Variants in MPLKIP observed in about 807,000 individuals in gnomAD.
The protein encoded by MPLKIP is M-phase specific PLK1 interacting protein, also known as M-phase-specific PLK1-interacting protein.
A neutral mutation model predicts 16.9 loss-of-function variants in MPLKIP; 16 were observed. That is an observed-to-expected ratio of 0.94 (90% CI 0.64 to 1.43). The LOEUF is 1.43. Among genes scored for constraint, MPLKIP ranks in the 40% most tolerant of loss-of-function variants. The pLI is 0.00. For synonymous variants in MPLKIP, 126 were observed against 98.4 expected (o/e 1.28, Z -1.66); for missense variants, 282 against 237.6 (o/e 1.19, Z -1.23).
rs567765574 is a variant in MPLKIP at position 40,128,248 on chromosome 7, T to A, written c.*4811A>T. The A allele has an allele frequency of 1.3e-5, 2 of 152,232 alleles. No individual in the cohort carries two copies. Among genetic ancestry groups the A allele is most frequent in the South Asian group, 4.1e-4 (2 of 4,824 alleles). 9.4% of individuals were successfully genotyped at this position (152,232 alleles called of 1,614,324 possible). A position where few individuals can be genotyped will look rare whatever the true frequency, so the allele number is the denominator to read the frequency against. ...CCAACCAGGCGATTATGTGTCTTAT[T>A]TACAGTAAAAACTACAACATATTTC... is the stretch of plus-strand genomic sequence containing the variant. On this transcript the variant is annotated 3_prime_UTR_variant, in exon 2 of 2. Coordinates refer to ENST00000306984, the MANE Select transcript of MPLKIP (RefSeq NM_138701.4).
Position 40,129,826 on chromosome 7 carries a change from C to T in MPLKIP, c.*3233G>A, listed in dbSNP as rs1320270618. On this transcript the variant is annotated 3_prime_UTR_variant, in exon 2 of 2. Transcript: ENST00000306984. Reference sequence around the variant, plus strand: ...TCTGTTAATGTTCAAAGGGAAGGGACGTAACTCCACATCTTGATAAGGGTA... The same window carrying T: ...TCTGTTAATGTTCAAAGGGAAGGGATGTAACTCCACATCTTGATAAGGGTA... The T allele has an allele frequency of 5.3e-5, 8 of 151,278 alleles. No homozygotes were observed. The highest frequency in any genetic ancestry group is 4.2e-4 in the South Asian group (2 of 4,778). The allele number at this position is 151,278 out of a possible 1,614,324, so 9.4% of individuals were successfully genotyped here. A position where few individuals can be genotyped will look rare whatever the true frequency, so the allele number is the denominator to read the frequency against.
At chr7:40,133,417 T>C (rs1787503365) in intron 1 of MPLKIP, among the ~76,000 whole-genome samples, 158 bp from the exon 2 acceptor site, 1 of 152,234 alleles carries the variant, frequency 6.6e-6, no homozygotes, top group Admixed American at 6.5e-5. Flanking sequence ...TAATCAAGTG[T>C]TCCTATTTTT....
Position 40,129,246 on chromosome 7 carries a change from GC to G in MPLKIP, c.*3812del, listed in dbSNP as rs1787429840. ...CTGAATTCTGAACATCTCCACACGG[GC>G]CAATATAACTTATTTTTTTTTTTTT... On this transcript the variant is annotated 3_prime_UTR_variant, in exon 2 of 2. Transcript: ENST00000306984. 1 of 142,900 alleles carries G rather than the reference GC, an allele frequency of 7.0e-6. No homozygotes were observed. Among genetic ancestry groups the G allele is most frequent in the Non-Finnish European group, 1.5e-5 (1 of 66,926 alleles). The allele number at this position is 142,900 out of a possible 1,614,324, so 8.9% of individuals were successfully genotyped here. A position where few individuals can be genotyped will look rare whatever the true frequency, so the allele number is the denominator to read the frequency against.
Position 40,133,272 on chromosome 7 carries a change from A to C in MPLKIP, c.340-13T>G. 1 of 1,610,118 alleles carries C rather than the reference A, an allele frequency of 6.2e-7. No individual in the cohort carries two copies. The highest frequency in any genetic ancestry group is 1.1e-5 in the South Asian group (1 of 91,044). ...TCCTTGGAGAACCCTTTAGAAAAAA[A>C]ATCAGTTAAAAAAACACTTAGTAAA... is the stretch of plus-strand genomic sequence containing the variant. On this transcript the variant is annotated splice_polypyrimidine_tract_variant and intron_variant, in intron 1 of 1. Coordinates refer to ENST00000306984, the MANE Select transcript of MPLKIP (RefSeq NM_138701.4).
rs985362408 is a variant in MPLKIP at position 40,129,367 on chromosome 7, C to T, written c.*3692G>A. 1 of 151,598 alleles carries T rather than the reference C, an allele frequency of 6.6e-6. No homozygotes were observed. The highest frequency in any genetic ancestry group is 1.5e-5 in the Non-Finnish European group (1 of 68,062). 9.4% of individuals were successfully genotyped at this position (151,598 alleles called of 1,614,324 possible). On this transcript the variant is annotated 3_prime_UTR_variant, in exon 2 of 2. Transcript: ENST00000306984. ...TGCCTCCTGGGTTCAAGTGATTCTTCTGCCTCAGCCTCCCCAGTAGCTGGT... is the reference window on the plus strand; with the variant it reads ...TGCCTCCTGGGTTCAAGTGATTCTTTTGCCTCAGCCTCCCCAGTAGCTGGT...
rs909340092 is a variant in MPLKIP at position 40,134,147 on chromosome 7, C to G, written c.339+82G>C. 14 of 1,473,856 alleles carry G rather than the reference C, an allele frequency of 9.5e-6. No individual in the cohort carries two copies. In the African/African-American group the frequency reaches 1.8e-4, roughly 19 times the overall value. The allele number at this position is 1,473,856 out of a possible 1,614,324, so 91.3% of individuals were successfully genotyped here. On this transcript the variant is annotated intron_variant, in intron 1 of 1. Coordinates refer to ENST00000306984, the MANE Select transcript of MPLKIP (RefSeq NM_138701.4). ...CAATAGTACCTCAGAGAGGATTAGA[C>G]AAAATAATCCACGTAAAGGGAATAT...
chr7:40,134,402 GCCCGTACGGCGGCGTGTGGTGCGGACT>G lies in MPLKIP; in HGVS notation c.139_165del (p.Ser47_Gly55del), dbSNP rs778474274. 8.3e-6 allele frequency: 13 copies of G among 1,562,390 alleles called. No homozygotes were observed. The highest frequency in any genetic ancestry group is 3.8e-5 in the Admixed American group (2 of 52,860). Reference sequence around the variant, plus strand: ...CTGCTCCCGTACGGCCTAGACCGGGGCCCGTACGGCGGCGTGTGGTGCGGACTCCCGTACCCGTCTCGAGGGGAGGGC... The same window carrying G: ...CTGCTCCCGTACGGCCTAGACCGGGGCCCGTACCCGTCTCGAGGGGAGGGC... On this transcript the variant is annotated inframe_deletion, in exon 1 of 2. Transcript: ENST00000306984.
At position 40,134,433 on chromosome 7, in the gene MPLKIP, G is replaced by C. The variant is rs745817430; in HGVS notation, c.135C>G (p.Tyr45Ter). The C allele has an allele frequency of 1.3e-6, 2 of 1,566,338 alleles. No individual in the cohort carries two copies. The highest frequency in any genetic ancestry group is 2.3e-5 in the South Asian group (2 of 85,930). The change falls in exon 1 of 2, where the codon TAC becomes TAG. Residue 45 changes from tyrosine (Y) to a stop codon, truncating the protein, a stop_gained. Coordinates refer to ENST00000306984, the MANE Select transcript of MPLKIP (RefSeq NM_138701.4). LOFTEE classifies it high-confidence loss of function. Reference protein sequence around the residue: ...GPRPPSPRDGYGSPHHTPPYG... With the variant: ...GPRPPSPRDG The stretch of plus-strand genomic sequence containing the variant: ...ACGGCGGCGTGTGGTGCGGACTCCC[G>C]TACCCGTCTCGAGGGGAGGGCGGCC...
intron 1 of MPLKIP, among the ~76,000 whole-genome samples, 175 bp from the exon 2 acceptor site, chr7:40,133,434 A>G (rs2150560412): frequency 6.6e-6 from 1 of 152,346 alleles, no homozygotes; most frequent in South Asian, 2.1e-4. Flanking sequence ...TTTTTAAAAA[A>G]AGTACTTAAA....
intron 1 of MPLKIP, among the ~76,000 whole-genome samples, chr7:40,133,733 T>A (rs1787514624): frequency 6.6e-6 from 1 of 151,988 alleles, no homozygotes; most frequent in South Asian, 2.1e-4. Context: ...ACCACGTAGT[T>A]GCAAGTTGTA....
chr7:40,134,574 A>C lies in MPLKIP; in HGVS notation c.-7T>G. 1 of 1,583,056 alleles carries C rather than the reference A, an allele frequency of 6.3e-7. No homozygotes were observed. Among genetic ancestry groups the C allele is most frequent in the Non-Finnish European group, 8.6e-7 (1 of 1,167,384 alleles). ...GAAAATTCTGTCGCTGCATATCAGG[A>C]GCCAAAGCCGAAAACCTCGCAGCCG... On this transcript the variant is annotated 5_prime_UTR_variant, in exon 1 of 2. Transcript: ENST00000306984.
chr7:40,133,886 T>TA (rs34937720), intron 1 of MPLKIP, among the ~76,000 whole-genome samples: 46,240 of 105,682 alleles, frequency 0.44, 7,865 homozygotes, highest in Middle Eastern at 0.58. Flanking sequence ...GAAAGAAAGA[T>TA]AAAAAAAAAA....
In MPLKIP at chr7:40,132,199, A is replaced by G. The variant is rs1354795346; in HGVS notation, c.*860T>C. 3 of 152,242 alleles carry G rather than the reference A, an allele frequency of 2.0e-5. No individual in the cohort carries two copies. The highest frequency in any genetic ancestry group is 7.2e-5 in the African/African-American group (3 of 41,456). The allele number at this position is 152,242 out of a possible 1,614,324, so 9.4% of individuals were successfully genotyped here. ...GTCTCATTATGGTGATGTGTCCATG[A>G]TTCAAGTTAATTAGGTCTCACTGTG... On this transcript the variant is annotated 3_prime_UTR_variant, in exon 2 of 2. Coordinates refer to ENST00000306984, the MANE Select transcript of MPLKIP (RefSeq NM_138701.4).
Position 40,130,642 on chromosome 7 carries a change from T to A in MPLKIP, c.*2417A>T, listed in dbSNP as rs1787449440. 1 of 152,196 alleles carries A rather than the reference T, an allele frequency of 6.6e-6. No homozygotes were observed. Among genetic ancestry groups the A allele is most frequent in the Admixed American group, 6.5e-5 (1 of 15,278 alleles). 9.4% of individuals were successfully genotyped at this position (152,196 alleles called of 1,614,324 possible). A position where few individuals can be genotyped will look rare whatever the true frequency, so the allele number is the denominator to read the frequency against. ...CGTCTTTACTAATAACCCAATGATC[T>A]AAGAGATGCTTCAGTAAATTATCTC... On this transcript the variant is annotated 3_prime_UTR_variant, in exon 2 of 2. Coordinates refer to ENST00000306984, the MANE Select transcript of MPLKIP (RefSeq NM_138701.4).
In MPLKIP at chr7:40,134,524, C is replaced by T; in HGVS notation, c.44G>A (p.Gly15Asp). The change falls in exon 1 of 2, where the codon GGT becomes GAT. Residue 15 changes from glycine to aspartate, a missense_variant. Coordinates refer to ENST00000306984, the MANE Select transcript of MPLKIP (RefSeq NM_138701.4). ...NFRPPTPPYP[G>D]PGGGGWGSGS... ...GCTACCCCAACCTCCTCCACCCGGA[C>T]CAGGGTAAGGAGGAGTTGGGGGCCG... 6.3e-7 allele frequency: 1 copy of T among 1,595,340 alleles called. No homozygotes were observed. Among genetic ancestry groups the T allele is most frequent in the Non-Finnish European group, 8.5e-7 (1 of 1,172,564 alleles).
Position 40,129,982 on chromosome 7 carries a change from C to A in MPLKIP, c.*3077G>T, listed in dbSNP as rs1051711083. 1.3e-5 allele frequency: 2 copies of A among 152,126 alleles called. No homozygotes were observed. Among genetic ancestry groups the A allele is most frequent in the African/African-American group, 4.8e-5 (2 of 41,418 alleles). 9.4% of individuals were successfully genotyped at this position (152,126 alleles called of 1,614,324 possible). Reference sequence around the variant, plus strand: ...ACCAAAAGGCAGCAGGGAAAAAGAACTGGCATGATCCCTTGATATGGATAT... The same window carrying A: ...ACCAAAAGGCAGCAGGGAAAAAGAAATGGCATGATCCCTTGATATGGATAT... On this transcript the variant is annotated 3_prime_UTR_variant, in exon 2 of 2. Transcript: ENST00000306984.
chr7:40,134,283 C>T lies in MPLKIP; in HGVS notation c.285G>A (p.Ala95=). 6.4e-7 allele frequency: 1 copy of T among 1,560,430 alleles called. No individual in the cohort carries two copies. Among genetic ancestry groups the T allele is most frequent in the Non-Finnish European group, 8.7e-7 (1 of 1,152,204 alleles). Residue 95 remains alanine, a synonymous_variant, in exon 1 of 2, where the codon GCG becomes GCA. Transcript: ENST00000306984. ...AGTAGCCGAATTGCTGCTGGGACCC[C>T]GCGGGGGACCTGGAGTAGGAGCCAG... ...GYPGSYSRSP[A]GSQQQFGYSP... is the part of the protein sequence containing the mutation.
Position 40,134,444 on chromosome 7 carries a change from G to T in MPLKIP, c.124C>A (p.Arg42=). The T allele has an allele frequency of 6.4e-7, 1 of 1,567,826 alleles. No homozygotes were observed. The highest frequency in any genetic ancestry group is 1.7e-4 in the Middle Eastern group (1 of 5,796). ...TGGTGCGGACTCCCGTACCCGTCTCGAGGGGAGGGCGGCCGTGGTCCGCCC... is the reference window on the plus strand; with the variant it reads ...TGGTGCGGACTCCCGTACCCGTCTCTAGGGGAGGGCGGCCGTGGTCCGCCC... The part of the protein sequence containing the change: ...GGGGPRPPSP[R]DGYGSPHHTP... Residue 42 remains arginine, a synonymous_variant, in exon 1 of 2, where the codon CGA becomes AGA. Coordinates refer to ENST00000306984, the MANE Select transcript of MPLKIP (RefSeq NM_138701.4).
Position 40,134,437 on chromosome 7 carries a change from C to G in MPLKIP, c.131G>C (p.Gly44Ala), listed in dbSNP as rs1385542231. 6.4e-7 allele frequency: 1 copy of G among 1,567,194 alleles called. No individual in the cohort carries two copies. Among genetic ancestry groups the G allele is most frequent in the Admixed American group, 1.9e-5 (1 of 53,326 alleles). The change falls in exon 1 of 2, where the codon GGG (glycine) becomes GCG (alanine). Residue 44 changes from glycine to alanine, a missense_variant. Transcript: ENST00000306984. ...GGPRPPSPRD[G>A]YGSPHHTPPY... ...CGGCGTGTGGTGCGGACTCCCGTAC[C>G]CGTCTCGAGGGGAGGGCGGCCGTGG...
Sources: gnomAD v4.1 joint callset for allele counts (sites outside exome capture counted in the v4.1 genomes callset) on GRCh38, gnomAD v4.1.1 for gene constraint, MANE v1.5 for transcripts, NCBI Gene and HGNC (gene_info 2026-07-23, HGNC 2026-07-21) for gene names.